The following LCORL variants were observed in gnomAD, a reference collection of about 807,000 sequenced individuals.
LCORL encodes ligand dependent nuclear receptor corepressor like.
LCORL carries 41 observed loss-of-function variants against 141.8 expected under a neutral mutation model. The ratio of observed to expected loss-of-function variants is 0.29; its 90% CI spans 0.23 to 0.38. The LOEUF (loss-of-function observed/expected upper bound fraction) is 0.38. Ranked by LOEUF, LCORL falls within the 10% of genes least tolerant of loss-of-function variation. The pLI is 1.00. For missense variants in LCORL, 1,759 were observed against 2,035.0 expected, an observed-to-expected ratio of 0.86 and a Z score of 2.61; for synonymous variants, 618 against 694.1, an observed-to-expected ratio of 0.89 and a Z score of 1.72.
chr4:17,880,266 C>T (rs1283528419), intron 6 of LCORL: 1 of 196,366 alleles, frequency 5.1e-6, no homozygotes, highest in East Asian at 1.9e-4. Flanking sequence ...AACATTCTCC[C>T]CCATATTTCT....
At chr4:17,881,145 T>C in intron 6 of LCORL, 2 of 982,296 alleles carry the variant, frequency 2.0e-6, no homozygotes, top group Non-Finnish European at 2.4e-6. Flanking sequence ...AGGCACTGTT[T>C]TCTCTTTTCC....
At chr4:17,981,684 G>A (rs1478711949) in intron 1 of LCORL, among the ~76,000 whole-genome samples, 1 of 152,058 alleles carries the variant, frequency 6.6e-6, no homozygotes, top group Non-Finnish European at 1.5e-5. Flanking sequence ...GCTGCAGTGT[G>A]CTAAGCCATG....
rs551283784 is a variant in LCORL at position 17,935,418 on chromosome 4, T to C, written c.431-26073A>G. On this transcript the variant is annotated intron_variant, in intron 4 of 7. Coordinates refer to ENST00000635767, the Ensembl canonical transcript of LCORL. ...GATGTTCTGTCCCCTCCAAATCTCA[T>C]GTTGAAATGTGACCTTCAATGTTGG... 1.2e-4 allele frequency among the ~76,000 whole-genome samples: 19 copies of C among 152,296 alleles called. No individual in the cohort carries two copies. In the South Asian group the frequency reaches 3.9e-3, roughly 32 times the overall value.
At chr4:17,935,594 T>C (rs1736721871) in intron 4 of LCORL, among the ~76,000 whole-genome samples, 1 of 152,062 alleles carries the variant, frequency 6.6e-6, no homozygotes, top group South Asian at 2.1e-4. Context: ...TTTCCCTCCC[T>C]CCCTCTTCCT....
chr4:17,844,131 A>C (rs1722696676), exon 8 of LCORL: 1 of 151,976 alleles, frequency 6.6e-6, no homozygotes, highest in South Asian at 2.1e-4. Context: ...ATAACAAAAT[A>C]ATATTTATTT....
intron 4 of LCORL, among the ~76,000 whole-genome samples, chr4:17,945,416 T>TAAA (rs1289759363): frequency 1.3e-5 from 2 of 152,000 alleles, no homozygotes; most frequent in African/African-American, 2.4e-5. Flanking sequence ...TTGGGGTTTT[T>TAAA]TTTTTTACAC....
chr4:17,976,578 T>C (rs777500915), intron 1 of LCORL, among the ~76,000 whole-genome samples: 6 of 152,164 alleles, frequency 3.9e-5, no homozygotes. Context: ...ATAACTTACT[T>C]AAAAACATTT....
chr4:17,887,162 C>T (rs1237260577), intron 5 of LCORL, among the ~76,000 whole-genome samples: 1 of 151,964 alleles, frequency 6.6e-6, no homozygotes, highest in Non-Finnish European at 1.5e-5. Context: ...CCTATATAGA[C>T]TTCGACAATA....
chr4:17,985,086 T>C (rs968605235), intron 1 of LCORL, among the ~76,000 whole-genome samples: 1 of 151,668 alleles, frequency 6.6e-6, no homozygotes, highest in African/African-American at 2.4e-5. Context: ...TTTGAGTGAT[T>C]TTTTTTGTTT....
chr4:17,937,941 G>T (rs914991856), intron 4 of LCORL, among the ~76,000 whole-genome samples: 2 of 151,136 alleles, frequency 1.3e-5, no homozygotes, highest in African/African-American at 4.9e-5. Flanking sequence ...TTCAAATTAG[G>T]TTACATATTT....
At chr4:17,923,594 C>A (rs1222154707) in intron 4 of LCORL, among the ~76,000 whole-genome samples, 1 of 152,024 alleles carries the variant, frequency 6.6e-6, no homozygotes, top group African/African-American at 2.4e-5. Flanking sequence ...TGCAGTGAGC[C>A]GAGATTGTGC....
intron 5 of LCORL, among the ~76,000 whole-genome samples, chr4:17,902,795 A>C (rs923816775): frequency 1.3e-5 from 2 of 152,056 alleles, no homozygotes; most frequent in South Asian, 4.1e-4. Flanking sequence ...CCTATACATA[A>C]TTTGTTAAAA....
At chr4:17,896,873 C>T (rs1029475012) in intron 5 of LCORL, among the ~76,000 whole-genome samples, 1 of 151,954 alleles carries the variant, frequency 6.6e-6, no homozygotes, top group African/African-American at 2.4e-5. Context: ...TACCCCACCC[C>T]CCACTATCCT....
At chr4:17,883,315 A>T in intron 6 of LCORL, 1 of 995,266 alleles carries the variant, frequency 1.0e-6, no homozygotes, top group Non-Finnish European at 1.2e-6. Context: ...AACTATGAAT[A>T]TCATATTTCC....
chr4:17,990,954 G>T (rs1468213760), intron 1 of LCORL, among the ~76,000 whole-genome samples: 1 of 152,024 alleles, frequency 6.6e-6, no homozygotes, highest in African/African-American at 2.4e-5. Flanking sequence ...GCAAAATCAT[G>T]TTACAGAGTA....
intron 4 of LCORL, among the ~76,000 whole-genome samples, chr4:17,941,408 G>A (rs868349995): frequency 2.6e-5 from 4 of 151,966 alleles, no homozygotes; most frequent in Middle Eastern, 3.4e-3. Flanking sequence ...ACGGTGAGCC[G>A]AGATTGCACC....
At chr4:17,967,332 G>A (rs769025177) in intron 2 of LCORL, among the ~76,000 whole-genome samples, 3 of 152,042 alleles carry the variant, frequency 2.0e-5, no homozygotes, top group Non-Finnish European at 4.4e-5. Context: ...CTATAATGAT[G>A]GATCAATGAC....
At chr4:17,845,882 C>A (rs1383007375) in exon 8 of LCORL, 4 of 1,610,266 alleles carry the variant, frequency 2.5e-6, no homozygotes, top group Non-Finnish European at 3.4e-6. Context: ...AGTTTCTCAT[C>A]AGTTTTCACT....
chr4:17,958,157 C>A (rs1421787556), intron 4 of LCORL, among the ~76,000 whole-genome samples: 1 of 151,726 alleles, frequency 6.6e-6, no homozygotes, highest in East Asian at 1.9e-4. Context: ...ACCTGGCTAT[C>A]AATTAACTTA....
Sources: gnomAD v4.1 joint callset for allele counts (sites outside exome capture counted in the v4.1 genomes callset) on GRCh38, gnomAD v4.1.1 for gene constraint, MANE v1.5 for transcripts, NCBI Gene and HGNC (gene_info 2026-07-23, HGNC 2026-07-21) for gene names.